Variants in DZANK1 observed in about 807,000 individuals in gnomAD.
DZANK1 encodes the protein double zinc ribbon and ankyrin repeat-containing protein 1.
DZANK1 carries 91 observed loss-of-function variants against 94.5 expected under a neutral mutation model. The observed-to-expected ratio is 0.96, with a 90% CI of 0.81 to 1.15. The LOEUF is 1.15. DZANK1 is among the 50% of genes most tolerant of loss of function. DZANK1 has a pLI of 0.00. For synonymous variants in DZANK1, 312 were observed against 325.3 expected (o/e 0.96, Z 0.44); for missense variants, 903 against 916.4 (o/e 0.99, Z 0.19).
At chr20:18,394,748 T>C (rs1442250487) in intron 15 of DZANK1, 1 of 462,314 alleles carries the variant, frequency 2.2e-6, no homozygotes, top group Admixed American at 2.3e-5. Context: ...TAGGGTGTCA[T>C]GATGGGAAGG....
chr20:18,409,551 T>TAC (rs71194238), intron 13 of DZANK1, among the ~76,000 whole-genome samples: 14,895 of 142,568 alleles, frequency 0.1, 1,305 homozygotes, highest in East Asian at 0.51. Context: ...GTAATATGAA[T>TAC]ACACACACAC....
chr20:18,391,052 C>A (rs545863769), intron 17 of DZANK1, among the ~76,000 whole-genome samples: 22 of 152,150 alleles, frequency 1.4e-4, no homozygotes, highest in African/African-American at 5.1e-4. Flanking sequence ...AAAAATTAGC[C>A]ACGTGTTAGC....
intron 3 of DZANK1, among the ~76,000 whole-genome samples, chr20:18,459,861 G>A (rs1242230547): frequency 6.6e-6 from 1 of 152,036 alleles, no homozygotes; most frequent in African/African-American, 2.4e-5. Context: ...AGAGACCCCC[G>A]GCCCTGGAAA....
intron 12 of DZANK1, among the ~76,000 whole-genome samples, chr20:18,413,403 G>C (rs2057348075): frequency 6.6e-6 from 1 of 152,176 alleles, no homozygotes; most frequent in African/African-American, 2.4e-5. Context: ...CAAGTGTCTT[G>C]AGAAAAGAAC....
chr20:18,433,659 T>A, exon 9 of DZANK1: 1 of 1,613,812 alleles, frequency 6.2e-7, no homozygotes, highest in Non-Finnish European at 8.5e-7. Flanking sequence ...TACCTTCAAG[T>A]GGAGGCTTGC....
At chr20:18,453,770 T>C (rs2059188733) in exon 5 of DZANK1, 1 of 1,613,050 alleles carries the variant, frequency 6.2e-7, no homozygotes. Context: ...CTGCGTTGAT[T>C]TTCAGAGTTC....
chr20:18,438,237 AAAG>A lies in DZANK1; in HGVS notation c.748-4475_748-4473del, dbSNP rs1568980880. 1.4e-4 allele frequency among the ~76,000 whole-genome samples: 19 copies of A among 134,894 alleles called. No homozygotes were observed. In the South Asian group the frequency reaches 3.3e-3, roughly 24 times the overall value. 88.5% of individuals were successfully genotyped at this position (134,894 alleles called of 152,430 possible). A position where few individuals can be genotyped will look rare whatever the true frequency, so the allele number is the denominator to read the frequency against. ...CTGTCTCAAAAAAAAAAAAAAAAAAAAAGAAATAACACAAAAGAAAGCAGTAAA... is the reference window on the plus strand; with the variant it reads ...CTGTCTCAAAAAAAAAAAAAAAAAAAAAATAACACAAAAGAAAGCAGTAAA... On this transcript the variant is annotated intron_variant, in intron 8 of 20. Coordinates refer to ENST00000262547, the Ensembl canonical transcript of DZANK1.
chr20:18,424,526 A>G (rs2057945953), intron 10 of DZANK1, among the ~76,000 whole-genome samples: 1 of 152,100 alleles, frequency 6.6e-6, no homozygotes, highest in Non-Finnish European at 1.5e-5. Context: ...CAAGTGTTGG[A>G]GATGATGCAG....
At chr20:18,411,767 G>A (rs2057267279) in intron 13 of DZANK1, among the ~76,000 whole-genome samples, 1 of 152,150 alleles carries the variant, frequency 6.6e-6, no homozygotes, top group African/African-American at 2.4e-5. Context: ...CTTGAGACTG[G>A]GTAATTTATA....
intron 8 of DZANK1, among the ~76,000 whole-genome samples, chr20:18,435,980 A>T (rs932996652): frequency 6.6e-6 from 1 of 152,198 alleles, no homozygotes; most frequent in African/African-American, 2.4e-5. Flanking sequence ...GCTAGAATAT[A>T]CTACCTGACG....
At chr20:18,460,292 T>C in exon 3 of DZANK1, 1 of 1,561,906 alleles carries the variant, frequency 6.4e-7, no homozygotes, top group Non-Finnish European at 8.7e-7. Flanking sequence ...TAATATATGT[T>C]GACATCTGGA....
intron 19 of DZANK1, among the ~76,000 whole-genome samples, chr20:18,388,403 A>C (rs116584811): frequency 2.0e-3 from 299 of 152,336 alleles, no homozygotes; most frequent in African/African-American, 6.9e-3. Context: ...ATAAAAAGGC[A>C]ATCTGTTCAA....
intron 9 of DZANK1, among the ~76,000 whole-genome samples, chr20:18,427,983 T>A (rs959883094): frequency 4.0e-5 from 6 of 151,512 alleles, no homozygotes; most frequent in African/African-American, 1.4e-4. Context: ...ACCCCGTCTC[T>A]ACTAAAAATA....
chr20:18,454,729 C>T (rs984400620), intron 4 of DZANK1: 3 of 155,148 alleles, frequency 1.9e-5, no homozygotes, highest in African/African-American at 7.2e-5. Flanking sequence ...CCTGCCTGCT[C>T]CTGTGCAAGG....
At chr20:18,457,846 C>T (rs929365435) in intron 3 of DZANK1, among the ~76,000 whole-genome samples, 5 of 152,206 alleles carry the variant, frequency 3.3e-5, no homozygotes, top group African/African-American at 1.2e-4. Flanking sequence ...GGCTAAAAAT[C>T]ATGGGCCCTA....
intron 2 of DZANK1, 25 bp downstream of exon 2, chr20:18,465,225 A>C: frequency 7.1e-7 from 1 of 1,417,432 alleles, no homozygotes. Flanking sequence ...TATTTTAAAC[A>C]ATTTCAAACA....
At chr20:18,393,683 T>C (rs1436547168) in intron 17 of DZANK1, 28 bp downstream of exon 17, 1 of 1,448,294 alleles carries the variant, frequency 6.9e-7, no homozygotes, top group Non-Finnish European at 9.6e-7. Context: ...GAAGACAACA[T>C]CCACAAGGAC....
intron 9 of DZANK1, among the ~76,000 whole-genome samples, chr20:18,430,971 T>C (rs6132060): frequency 0.35 from 53,788 of 152,030 alleles, 10,503 homozygotes; most frequent in Middle Eastern, 0.46. Flanking sequence ...CATAAATATG[T>C]TTCTGTGAAT....
At chr20:18,396,880 G>A (rs768863516) in intron 14 of DZANK1, among the ~76,000 whole-genome samples, 1 of 152,200 alleles carries the variant, frequency 6.6e-6, no homozygotes, top group Non-Finnish European at 1.5e-5. Context: ...ATGACTAGAT[G>A]TTATCACCTT....
Sources: gnomAD v4.1 joint callset for allele counts (sites outside exome capture counted in the v4.1 genomes callset) on GRCh38, gnomAD v4.1.1 for gene constraint, MANE v1.5 for transcripts, NCBI Gene and HGNC (gene_info 2026-07-23, HGNC 2026-07-21) for gene names.